Variants in CCDC40 observed in about 807,000 individuals in gnomAD.
CCDC40 encodes coiled-coil domain 40 molecular ruler complex subunit.
A neutral mutation model predicts 124.5 loss-of-function variants in CCDC40; 104 were observed. The observed-to-expected ratio is 0.84, with a 90% CI of 0.71 to 0.98. CCDC40 has a LOEUF of 0.98. CCDC40 is among the 50% of genes least tolerant of loss of function. The probability of loss-of-function intolerance (pLI) is 0.00; values close to 1 mark genes in which losing one functional copy is unlikely to be tolerated. For missense variants in CCDC40, 1,463 were observed against 1,503.9 expected (o/e 0.97, Z 0.45); for synonymous variants, 580 against 602.9 (o/e 0.96, Z 0.56).
At position 80,036,646 on chromosome 17, in the gene CCDC40, T is replaced by A; in HGVS notation, c.-17T>A. 2 of 1,456,868 alleles carry A rather than the reference T, an allele frequency of 1.4e-6. No homozygotes were observed. The highest frequency in any genetic ancestry group is 1.8e-6 in the Non-Finnish European group (2 of 1,108,328). The allele number at this position is 1,456,868 out of a possible 1,614,324, so 90.2% of individuals were successfully genotyped here. A position where few individuals can be genotyped will look rare whatever the true frequency, so the allele number is the denominator to read the frequency against. On this transcript the variant is annotated 5_prime_UTR_variant, in exon 1 of 20. Transcript: ENST00000397545. ...CCGGCCCGGCCGGATGTTGACAGCG[T>A]CGCCTAGCAACGGGAAATGGCGGAA...
intron 19 of CCDC40, among the ~76,000 whole-genome samples, chr17:80,098,648 G>A (rs1453658967): frequency 2.6e-5 from 4 of 152,222 alleles, no homozygotes; most frequent in African/African-American, 9.6e-5. Flanking sequence ...GTGTCAAGAA[G>A]GTTGCCTAAG....
chr17:80,044,712 A>ATGTGT (rs2037374578), intron 3 of CCDC40, among the ~76,000 whole-genome samples: 10 of 74,462 alleles, frequency 1.3e-4, no homozygotes, highest in African/African-American at 5.3e-4. Flanking sequence ...CAAACAAAAA[A>ATGTGT]AAAAATATAT....
chr17:80,093,348 A>AT (rs1227461034), intron 17 of CCDC40, among the ~76,000 whole-genome samples: 2 of 151,276 alleles, frequency 1.3e-5, no homozygotes, highest in Non-Finnish European at 2.9e-5. Flanking sequence ...CACCCAGCTA[A>AT]TTTTTTGTAT....
intron 1 of CCDC40, among the ~76,000 whole-genome samples, chr17:80,037,683 T>TAAAA (rs11312279): frequency 5.4e-4 from 24 of 44,410 alleles, no homozygotes; most frequent in African/African-American, 1.2e-3. Context: ...TTTAATTTTT[T>TAAAA]AAAAAAGATA....
Position 80,065,505 on chromosome 17 carries a change from C to T in CCDC40, c.1461C>T (p.Ala487=). 6 of 1,613,152 alleles carry T rather than the reference C, an allele frequency of 3.7e-6. No homozygotes were observed. The highest frequency in any genetic ancestry group is 5.1e-6 in the Non-Finnish European group (6 of 1,179,968). Residue 487 remains alanine, a synonymous_variant, in exon 10 of 20, where the codon GCC becomes GCT. Coordinates refer to ENST00000397545, the MANE Select transcript of CCDC40 (RefSeq NM_017950.4). ...TGCAGGCCTGCACCGAGATCGACGC[C>T]ATCAGCGTGGAGAAGAGGCGCATCA... ...AVSEACTEID[A]ISVEKRRIMQ...
rs539350196 is a variant in CCDC40 at position 80,043,174 on chromosome 17, G to A, written c.552+2904G>A. 2.0e-5 allele frequency among the ~76,000 whole-genome samples: 3 copies of A among 152,286 alleles called. No homozygotes were observed. The East Asian group carries it at 5.8e-4, about 29-fold the overall frequency. On this transcript the variant is annotated intron_variant, in intron 3 of 19. Transcript: ENST00000397545. Reference sequence around the variant, plus strand: ...TGTATTTTGATGCTCAGTTTGGCCAGTGAGGGCCCATTTAAACCAGCCTTT... The same window carrying A: ...TGTATTTTGATGCTCAGTTTGGCCAATGAGGGCCCATTTAAACCAGCCTTT...
intron 10 of CCDC40, chr17:80,067,397 A>G (rs2143688075): frequency 1.6e-6 from 1 of 608,344 alleles, no homozygotes; most frequent in Non-Finnish European, 2.9e-6. Flanking sequence ...CTTGTGTGCA[A>G]TTGCAAGAAA....
chr17:80,082,339 C>G (rs1053445591), intron 12 of CCDC40, among the ~76,000 whole-genome samples: 5 of 145,434 alleles, frequency 3.4e-5, no homozygotes, highest in Non-Finnish European at 7.4e-5. Flanking sequence ...GCAGGGAACC[C>G]CCAATTGTGA....
chr17:80,095,950 G>A (rs1264222859), intron 18 of CCDC40, among the ~76,000 whole-genome samples: 3 of 152,244 alleles, frequency 2.0e-5, no homozygotes, highest in Non-Finnish European at 4.4e-5. Flanking sequence ...GCATACCCCA[G>A]GCCATGTCCA....
In CCDC40 at chr17:80,088,113, G is replaced by T. The variant is rs1434924240; in HGVS notation, c.2711+11G>T. ...ACTGGTGGAAGCAGAGTGAGTCCCA[G>T]TCTCCAGCCACACGTGGGTCATGAA... is the stretch of plus-strand genomic sequence containing the variant. On this transcript the variant is annotated intron_variant, in intron 16 of 19. Coordinates refer to ENST00000397545, the MANE Select transcript of CCDC40 (RefSeq NM_017950.4). 9.4e-6 allele frequency: 15 copies of T among 1,600,322 alleles called. No homozygotes were observed. Among genetic ancestry groups the T allele is most frequent in the Non-Finnish European group, 1.2e-5 (14 of 1,167,536 alleles).
chr17:80,067,911 T>C, intron 10 of CCDC40: 1 of 1,325,792 alleles, frequency 7.5e-7, no homozygotes, highest in African/African-American at 1.5e-5. Context: ...GAATGTTGAG[T>C]GAATATTTTA....
At chr17:80,095,595 G>T in intron 18 of CCDC40, 144 bp downstream of exon 18, 1 of 756,712 alleles carries the variant, frequency 1.3e-6, no homozygotes, top group Non-Finnish European at 2.2e-6. Flanking sequence ...CCTGCTGCTG[G>T]GTGCTGGGTC....
rs2037228215 is a variant in CCDC40, at chr17:80,039,884, G to A, written c.166G>A (p.Val56Ile). The change falls in exon 3 of 20, where the codon GTC becomes ATC. Residue 56 changes from valine (V) to isoleucine (I), a missense_variant. Physicochemically the swap from Val to Ile is conservative, Grantham distance 29. Transcript: ENST00000397545. Reference sequence around the variant, plus strand: ...CGGTAGCACAGAGCATCCTGAGGAAGTCACAACCCAAGCGGAAGCTGCAAT... The same window carrying A: ...CGGTAGCACAGAGCATCCTGAGGAAATCACAACCCAAGCGGAAGCTGCAAT... The part of the protein sequence containing the change: ...AVGSTEHPEE[V>I]TTQAEAAIEE... The A allele has an allele frequency of 1.9e-6, 3 of 1,613,822 alleles. No homozygotes were observed. The highest frequency in any genetic ancestry group is 8.5e-7 in the Non-Finnish European group (1 of 1,179,988).
At chr17:80,048,128 G>A (rs1049792009) in intron 4 of CCDC40, among the ~76,000 whole-genome samples, 5 of 152,106 alleles carry the variant, frequency 3.3e-5, no homozygotes, top group African/African-American at 7.2e-5. Flanking sequence ...GCGTGGTGGC[G>A]GGTGCCTGTA....
At chr17:80,047,728 A>G (rs1469419551) in intron 4 of CCDC40, among the ~76,000 whole-genome samples, 1 of 152,126 alleles carries the variant, frequency 6.6e-6, no homozygotes, top group Non-Finnish European at 1.5e-5. Flanking sequence ...CCATCCCCTG[A>G]CAGCCATTTC....
Position 80,081,999 on chromosome 17 carries a change from A to G in CCDC40, c.1930A>G (p.Lys644Glu). 1 of 1,613,636 alleles carries G rather than the reference A, an allele frequency of 6.2e-7. No individual in the cohort carries two copies. The highest frequency in any genetic ancestry group is 8.5e-7 in the Non-Finnish European group (1 of 1,179,940). The change falls in exon 12 of 20, where the codon AAG becomes GAG. Residue 644 changes from lysine to glutamate, a missense_variant. Coordinates refer to ENST00000397545, the MANE Select transcript of CCDC40 (RefSeq NM_017950.4). ...GCTGCAGGAGCACATGACCTCCAAC[A>G]AGACCACCAAATACTTCAACCAGCT... is the stretch of plus-strand genomic sequence containing the variant. ...EKLQEHMTSN[K>E]TTKYFNQLIL...
intron 9 of CCDC40, among the ~76,000 whole-genome samples, chr17:80,065,227 T>C (rs1598509965): frequency 2.8e-5 from 2 of 71,780 alleles, no homozygotes; most frequent in African/African-American, 5.8e-5. Flanking sequence ...CCTTCCTCCC[T>C]CTCCTCCCTT....
chr17:80,072,360 C>T (rs2038213662), intron 10 of CCDC40, among the ~76,000 whole-genome samples: 1 of 152,146 alleles, frequency 6.6e-6, no homozygotes, highest in Admixed American at 6.5e-5. Flanking sequence ...TCGACTTTCT[C>T]TTTTTGTGAC....
intron 1 of CCDC40, 43 bp downstream of exon 1, chr17:80,036,734 C>G: frequency 6.9e-7 from 1 of 1,458,372 alleles, no homozygotes; most frequent in Non-Finnish European, 9.1e-7. Flanking sequence ...GTCGCCAGGC[C>G]GCGCTCTCCG....
Sources: gnomAD v4.1 joint callset for allele counts (sites outside exome capture counted in the v4.1 genomes callset) on GRCh38, gnomAD v4.1.1 for gene constraint, MANE v1.5 for transcripts, NCBI Gene and HGNC (gene_info 2026-07-23, HGNC 2026-07-21) for gene names.